The following AP1G1 variants were observed in gnomAD, a reference collection of about 807,000 sequenced individuals.
AP1G1 encodes adaptor related protein complex 1 subunit gamma 1.
Under a neutral mutation model 108.3 loss-of-function variants are expected in AP1G1, and 7 were observed. That is an observed-to-expected ratio of 0.06 (90% CI 0.04 to 0.12). The LOEUF is 0.12. Among genes scored for constraint, AP1G1 ranks in the 10% least tolerant of loss-of-function variants. AP1G1 has a pLI of 1.00. For synonymous variants in AP1G1, 379 were observed against 353.5 expected (o/e 1.07, Z -0.81); for missense variants, 756 against 1,010.7 (o/e 0.75, Z 3.42).
At chr16:71,737,149 C>G (rs1322619403) in intron 21 of AP1G1, among the ~76,000 whole-genome samples, 1 of 152,168 alleles carries the variant, frequency 6.6e-6, no homozygotes, top group African/African-American at 2.4e-5. Context: ...TATCACCACC[C>G]TCTTTGCAAA....
chr16:71,736,117 A>AAAAAAAT (rs1555550846), intron 21 of AP1G1, among the ~76,000 whole-genome samples: 1 of 71,634 alleles, frequency 1.4e-5, no homozygotes, highest in African/African-American at 6.2e-5. Context: ...AAAAAAAAAA[A>AAAAAAAT]ATATATATAT....
chr16:71,786,006 G>A lies in AP1G1; in HGVS notation c.201+3273C>T, dbSNP rs967323769. On this transcript the variant is annotated intron_variant, in intron 2 of 22. Coordinates refer to ENST00000299980, the MANE Select transcript of AP1G1 (RefSeq NM_001128.6). ...TATTATAAAGGTAATTCCAACGGAT[G>A]GGGTACCAAATTACTGATATGAACA... 3.9e-5 allele frequency among the ~76,000 whole-genome samples: 6 copies of A among 152,188 alleles called. No homozygotes were observed. In the East Asian group the frequency reaches 1.2e-3, roughly 30 times the overall value.
intron 12 of AP1G1, among the ~76,000 whole-genome samples, chr16:71,754,392 G>A (rs1327862355): frequency 6.6e-6 from 1 of 152,028 alleles, no homozygotes; most frequent in Non-Finnish European, 1.5e-5. Context: ...AAAGAAAAGA[G>A]AAGAAAATCC....
intron 12 of AP1G1, among the ~76,000 whole-genome samples, chr16:71,754,505 G>A (rs573928494): frequency 6.6e-6 from 1 of 152,266 alleles, no homozygotes; most frequent in African/African-American, 2.4e-5. Flanking sequence ...TGATAAAAAG[G>A]TATACAGTCA....
At chr16:71,802,929 T>G (rs2032859082) in intron 1 of AP1G1, among the ~76,000 whole-genome samples, 1 of 152,022 alleles carries the variant, frequency 6.6e-6, no homozygotes, top group South Asian at 2.1e-4. Flanking sequence ...ATTTAAAATA[T>G]TTTAGCCAGG....
chr16:71,738,211 C>T lies in AP1G1; in HGVS notation c.2268+731G>A, dbSNP rs144723615. On this transcript the variant is annotated intron_variant, in intron 21 of 22. Coordinates refer to ENST00000299980, the MANE Select transcript of AP1G1 (RefSeq NM_001128.6). ...GATTAGAGGAACCTGCCATCACGCC[C>T]GGCTAATTTTTTTTTTTTTTTGTAC... Among the ~76,000 whole-genome samples the T allele has an allele frequency of 3.5e-3, 520 of 148,732 alleles. 8 individuals carry two copies. Among genetic ancestry groups the T allele is most frequent in the African/African-American group, 0.012 (492 of 41,240 alleles).
chr16:71,808,513 C>A (rs937058234), intron 1 of AP1G1: 3 of 1,262,414 alleles, frequency 2.4e-6, no homozygotes, highest in South Asian at 1.3e-5. Flanking sequence ...ACCGGCGGGG[C>A]AACGCCACAA....
intron 12 of AP1G1, among the ~76,000 whole-genome samples, chr16:71,754,425 T>C (rs1267158119): frequency 6.6e-6 from 1 of 151,976 alleles, no homozygotes; most frequent in Non-Finnish European, 1.5e-5. Context: ...TTTTCTAGGT[T>C]CCCTGGATAA....
chr16:71,789,218 C>T (rs1179027565), intron 2 of AP1G1, 61 bp downstream of exon 2: 73 of 1,475,938 alleles, frequency 4.9e-5, no homozygotes, highest in Non-Finnish European at 6.7e-5. Context: ...AAAAGATGGA[C>T]AATCCCTGAG....
intron 9 of AP1G1, among the ~76,000 whole-genome samples, chr16:71,762,144 T>C (rs889605037): frequency 5.3e-5 from 8 of 152,122 alleles, no homozygotes; most frequent in East Asian, 1.9e-4. Flanking sequence ...CTAATTATAC[T>C]ATGGCACACC....
chr16:71,795,993 T>G (rs979522369), intron 1 of AP1G1, among the ~76,000 whole-genome samples: 1 of 152,152 alleles, frequency 6.6e-6, no homozygotes, highest in Non-Finnish European at 1.5e-5. Flanking sequence ...TCCCAGCACT[T>G]TGGGAGGCCG....
chr16:71,744,227 G>A (rs1003770335), intron 19 of AP1G1, among the ~76,000 whole-genome samples: 2 of 152,204 alleles, frequency 1.3e-5, no homozygotes, highest in African/African-American at 2.4e-5. Context: ...CTGTGCAACA[G>A]AGCAAGACTC....
intron 11 of AP1G1, 35 bp from the exon 12 acceptor site, chr16:71,756,194 A>C (rs2030775086): frequency 6.3e-7 from 1 of 1,589,408 alleles, no homozygotes; most frequent in East Asian, 2.2e-5. Flanking sequence ...CAGTTAAGAA[A>C]TTTATAGTGG....
chr16:71,750,476 G>T, intron 13 of AP1G1, 144 bp from the exon 14 acceptor site: 1 of 924,758 alleles, frequency 1.1e-6, no homozygotes. Flanking sequence ...GTGCGATAGC[G>T]CGATCTTGGC....
At chr16:71,745,417 G>A in intron 18 of AP1G1, 56 bp downstream of exon 18, 2 of 1,613,278 alleles carry the variant, frequency 1.2e-6, no homozygotes, top group Admixed American at 1.7e-5. Flanking sequence ...GAGACAAGCT[G>A]TAAGGGACTA....
intron 1 of AP1G1, among the ~76,000 whole-genome samples, chr16:71,798,955 C>T (rs1282983553): frequency 6.7e-6 from 1 of 150,308 alleles, no homozygotes; most frequent in Admixed American, 6.7e-5. Context: ...AAAGAATTAA[C>T]ATTCCATAAG....
chr16:71,761,428 T>TA, intron 10 of AP1G1, 84 bp downstream of exon 10: 4 of 960,356 alleles, frequency 4.2e-6, no homozygotes, highest in Non-Finnish European at 5.0e-6. Flanking sequence ...TGTGACTTAA[T>TA]ACATGTATGA....
chr16:71,803,031 G>A (rs982319775), intron 1 of AP1G1, among the ~76,000 whole-genome samples: 2 of 151,826 alleles, frequency 1.3e-5, no homozygotes, highest in African/African-American at 4.8e-5. Flanking sequence ...CCTGGCCAAC[G>A]TGACAAAACC....
intron 1 of AP1G1, among the ~76,000 whole-genome samples, chr16:71,797,143 T>C (rs1237732516): frequency 6.6e-6 from 1 of 151,864 alleles, no homozygotes; most frequent in Non-Finnish European, 1.5e-5. Context: ...AAAAATTTCA[T>C]TCTCCCAACC....
Sources: allele counts gnomAD v4.1 joint callset (sites outside exome capture counted in the v4.1 genomes callset), GRCh38; gene constraint gnomAD v4.1.1; transcripts MANE v1.5; gene names NCBI Gene and HGNC (gene_info 2026-07-23, HGNC 2026-07-21).